CROCC2: variants seen among roughly 807,000 people sequenced by gnomAD.
CROCC2 encodes ciliary rootlet coiled-coil, rootletin family member 2.
A neutral mutation model predicts 177.6 loss-of-function variants in CROCC2; 163 were observed. The observed-to-expected ratio is 0.92, with a 90% CI of 0.81 to 1.05. The LOEUF (loss-of-function observed/expected upper bound fraction) is 1.05, where lower values mean the gene tolerates loss of function less well. Among genes scored for constraint, CROCC2 ranks in the 50% least tolerant of loss-of-function variants. The pLI, the probability that CROCC2 is intolerant of heterozygous loss-of-function variation, is 0.00. For synonymous variants in CROCC2, 904 were observed against 787.3 expected, an observed-to-expected ratio of 1.15 and a Z score of -2.48; for missense variants, 1,929 against 1,797.8, an observed-to-expected ratio of 1.07 and a Z score of -1.32.
Position 240,966,307 on chromosome 2 carries a change from G to A in CROCC2, c.4044G>A (p.Ser1348=), listed in dbSNP as rs2059684047. ...CCCACTCGCCCCTCCGATGGCCCTC[G>A]CCCACACCCGGAGGCCGCAGCTCAG... is the stretch of plus-strand genomic sequence containing the variant. ...ARPHSPLRWP[S]PTPGGRSSEL... Residue 1348 remains serine (S), a synonymous_variant, in exon 25 of 32, where the codon TCG becomes TCA. Transcript: ENST00000690015. 1.2e-5 allele frequency: 5 copies of A among 427,332 alleles called. No individual in the cohort carries two copies. The highest frequency in any genetic ancestry group is 2.0e-5 in the Non-Finnish European group (5 of 249,864). 26.5% of individuals were successfully genotyped at this position (427,332 alleles called of 1,614,324 possible). A position where few individuals can be genotyped will look rare whatever the true frequency, so the allele number is the denominator to read the frequency against.
At chr2:240,959,550 G>A in intron 20 of CROCC2, 106 bp downstream of exon 20, 1 of 1,381,006 alleles carries the variant, frequency 7.2e-7, no homozygotes, top group Non-Finnish European at 9.7e-7. Context: ...AAGAGAGGCT[G>A]TACCACAGAG....
intron 20 of CROCC2, 192 bp downstream of exon 20, chr2:240,959,636 G>A (rs1316619658): frequency 1.1e-5 from 7 of 650,910 alleles, no homozygotes; most frequent in African/African-American, 3.7e-5. Flanking sequence ...CTCACACCAC[G>A]CACTAAGCCA....
At chr2:240,993,009 GC>G in intron 31 of CROCC2, 56 bp from the exon 32 acceptor site, 1 of 711,578 alleles carries the variant, frequency 1.4e-6, no homozygotes, top group Non-Finnish European at 2.6e-6. Context: ...GGCAGCAGGA[GC>G]CCCCATGTGT....
chr2:240,907,150 C>T (rs946196873), intron 1 of CROCC2, among the ~76,000 whole-genome samples: 2 of 152,170 alleles, frequency 1.3e-5, no homozygotes, highest in African/African-American at 2.4e-5. Context: ...CAGGGCCTCT[C>T]GGGGGACAGT....
rs548948516 is a variant in CROCC2 at position 240,944,843 on chromosome 2, G to A, written c.2170-1217G>A. 3.3e-5 allele frequency among the ~76,000 whole-genome samples: 5 copies of A among 152,230 alleles called. 1 individual carries two copies. In the South Asian group the frequency reaches 6.2e-4, roughly 19 times the overall value. On this transcript the variant is annotated intron_variant, in intron 14 of 31. Transcript: ENST00000690015. ...CTCCTGATAGGCCAGATCTTGATTA[G>A]TCAATCTTATATATAATAAATTATA...
Position 240,950,501 on chromosome 2 carries a change from G to A in CROCC2, c.2820G>A (p.Lys940=), listed in dbSNP as rs1166114036. The part of the protein sequence containing the change: ...RDESLLQLEH[K]MQQALSLKET... ...AGAGCCTTCTCCAACTGGAGCACAA[G>A]ATGCAACAGGTGATGGTGAGGCTGG... is the stretch of plus-strand genomic sequence containing the variant. Residue 940 remains lysine (K), a synonymous_variant, in exon 18 of 32, where the codon AAG becomes AAA. Transcript: ENST00000690015. 1.0e-5 allele frequency: 16 copies of A among 1,549,286 alleles called. No individual in the cohort carries two copies. The highest frequency in any genetic ancestry group is 7.9e-5 in the Admixed American group (4 of 50,940).
At chr2:240,916,452 C>A (rs1451892012) in intron 1 of CROCC2, among the ~76,000 whole-genome samples, 1 of 79,808 alleles carries the variant, frequency 1.3e-5, no homozygotes. Context: ...GTCCCCCGCC[C>A]CCCCCATGCG....
At chr2:240,983,319 T>C (rs2059814381) in intron 28 of CROCC2, 2 of 1,217,836 alleles carry the variant, frequency 1.6e-6, no homozygotes, top group Non-Finnish European at 2.2e-6. Flanking sequence ...ACACGCCGTT[T>C]AGGAGAAAAT....
chr2:240,908,042 TCA>T (rs2059268249), intron 1 of CROCC2, among the ~76,000 whole-genome samples: 1 of 3,362 alleles, frequency 3.0e-4, no homozygotes, highest in Non-Finnish European at 6.0e-4. Flanking sequence ...CTCCTCCACC[TCA>T]GGTGACCTCT....
intron 18 of CROCC2, 43 bp downstream of exon 18, chr2:240,950,553 T>A: frequency 6.6e-7 from 1 of 1,519,764 alleles, no homozygotes; most frequent in Non-Finnish European, 8.9e-7. Context: ...TCACACCCAC[T>A]GCACCTGTCA....
rs922598829 is a variant in CROCC2, at chr2:240,932,858, G to T, written c.1201G>T (p.Ala401Ser). 6.5e-7 allele frequency: 1 copy of T among 1,546,314 alleles called. No homozygotes were observed. Among genetic ancestry groups the T allele is most frequent in the Non-Finnish European group, 8.7e-7 (1 of 1,145,388 alleles). Residue 401 changes from alanine (A) to serine (S), a missense_variant, in exon 9 of 32, where the codon GCA (alanine) becomes TCA (serine). Ala to Ser is a moderately conservative substitution (Grantham distance 99). Transcript: ENST00000690015. Reference protein sequence around the residue: ...HICSPATLDPALQAMRAAIER... With the variant: ...HICSPATLDPSLQAMRAAIER... Reference sequence around the variant, plus strand: ...CTGCTCCCCAGCCACCCTGGACCCCGCACTGCAGGCCATGCGGGCAGCCAT... The same window carrying T: ...CTGCTCCCCAGCCACCCTGGACCCCTCACTGCAGGCCATGCGGGCAGCCAT...
intron 1 of CROCC2, among the ~76,000 whole-genome samples, chr2:240,916,223 C>T (rs2059319194): frequency 6.6e-6 from 1 of 151,780 alleles, no homozygotes; most frequent in African/African-American, 2.4e-5. Context: ...CGACCTCCAC[C>T]TTCCCTTCCT....
At chr2:240,983,499 A>G in intron 28 of CROCC2, 1 of 1,244,352 alleles carries the variant, frequency 8.0e-7, no homozygotes, top group Middle Eastern at 3.0e-4. Context: ...CGCGTCCTGC[A>G]GGAGCAGACG....
At chr2:240,966,438 C>T (rs1392587233) in intron 25 of CROCC2, 29 bp downstream of exon 25, 3 of 400,024 alleles carry the variant, frequency 7.5e-6, no homozygotes, top group Admixed American at 4.4e-5. Context: ...CTCCCGCCCA[C>T]GGCGGCACCC....
rs1199320366 is a variant in CROCC2, at chr2:240,993,095, G to A, written c.*14G>A. ...CAAAGGGACTGAAGCTCCCAGCACA[G>A]GGGAGGCGCCCAGCGTGGCTGCAGA... On this transcript the variant is annotated 3_prime_UTR_variant, in exon 32 of 32. Transcript: ENST00000690015. The A allele has an allele frequency of 5.6e-6, 4 of 716,758 alleles. No individual in the cohort carries two copies. The South Asian group carries it at 5.9e-5, about 11-fold the overall frequency. 44.4% of individuals were successfully genotyped at this position (716,758 alleles called of 1,614,324 possible). A position where few individuals can be genotyped will look rare whatever the true frequency, so the allele number is the denominator to read the frequency against.
At chr2:240,951,261 A>G (rs2059554567) in intron 18 of CROCC2, among the ~76,000 whole-genome samples, 2 of 150,214 alleles carry the variant, frequency 1.3e-5, no homozygotes, top group African/African-American at 4.9e-5. Context: ...CCATTCATTC[A>G]TCCATCCGTC....
At chr2:240,914,935 G>A (rs1016952262) in intron 1 of CROCC2, among the ~76,000 whole-genome samples, 7 of 152,268 alleles carry the variant, frequency 4.6e-5, no homozygotes, top group Non-Finnish European at 1.0e-4. Context: ...TCTCCAAGGT[G>A]ATGCCCCAGG....
chr2:240,931,564 C>T (rs1377878672), intron 7 of CROCC2, among the ~76,000 whole-genome samples: 1 of 152,212 alleles, frequency 6.6e-6, no homozygotes, highest in East Asian at 1.9e-4. Context: ...CTATGAGCCC[C>T]GCCGTGATTG....
intron 5 of CROCC2, among the ~76,000 whole-genome samples, chr2:240,928,420 TTGTGTGTGTGTGTG>T (rs58145871): frequency 2.1e-4 from 31 of 147,664 alleles, no homozygotes; most frequent in Admixed American, 6.8e-5. Flanking sequence ...TGTGCCTGTT[TTGTGTGTGTGTGTG>T]TGTGTGTGTG....
Sources: gnomAD v4.1 joint callset for allele counts (sites outside exome capture counted in the v4.1 genomes callset) on GRCh38, gnomAD v4.1.1 for gene constraint, MANE v1.5 for transcripts, NCBI Gene and HGNC (gene_info 2026-07-23, HGNC 2026-07-21) for gene names.